RNF213: variants seen among roughly 807,000 people sequenced by gnomAD.
The protein encoded by RNF213 is ring finger protein 213.
A neutral mutation model predicts 514.4 loss-of-function variants in RNF213; 341 were observed. The observed-to-expected ratio is 0.66, with a 90% CI of 0.61 to 0.73. The LOEUF (loss-of-function observed/expected upper bound fraction) is 0.73. Among genes scored for constraint, RNF213 ranks in the 30% least tolerant of loss-of-function variants. The pLI, the probability that RNF213 is intolerant of heterozygous loss-of-function variation, is 0.00. For synonymous variants in RNF213, 2,655 were observed against 2,658.2 expected (o/e 1.00, Z 0.04); for missense variants, 5,767 against 6,615.6 (o/e 0.87, Z 4.45).
At chr17:80,276,286 G>C (rs1174891256) in intron 3 of RNF213, among the ~76,000 whole-genome samples, 1 of 151,890 alleles carries the variant, frequency 6.6e-6, no homozygotes, top group Non-Finnish European at 1.5e-5. Flanking sequence ...TTTTAGTAGA[G>C]ACGGGGTTTC....
intron 14 of RNF213, among the ~76,000 whole-genome samples, chr17:80,310,148 G>A (rs766633912): frequency 3.1e-4 from 47 of 152,246 alleles, no homozygotes; most frequent in Middle Eastern, 3.4e-3. Context: ...TCTGTGTGGT[G>A]CAGAGATCGG....
chr17:80,328,345 C>T lies in RNF213; in HGVS notation c.3385C>T (p.Pro1129Ser), dbSNP rs1442091420. The change falls in exon 20 of 68, where the codon CCC (proline) becomes TCC (serine). Residue 1129 changes from proline to serine, a missense_variant. By Grantham distance (74) the Pro-to-Ser change is moderately conservative (BLOSUM62 -1). Transcript: ENST00000582970. Reference protein sequence around the residue: ...IWQLREKSLSPQDEQCAVEEA... With the variant: ...IWQLREKSLSSQDEQCAVEEA... Reference sequence around the variant, plus strand: ...TTTTCCAGGGGAAAAAAGTCTTTCACCCCAGGATGAACAATGTGCTGTGGA... The same window carrying T: ...TTTTCCAGGGGAAAAAAGTCTTTCATCCCAGGATGAACAATGTGCTGTGGA... The T allele has an allele frequency of 6.5e-7, 1 of 1,536,486 alleles. No homozygotes were observed. The highest frequency in any genetic ancestry group is 1.4e-5 in the African/African-American group (1 of 72,980).
chr17:80,301,228 A>G (rs142078156), intron 11 of RNF213, among the ~76,000 whole-genome samples: 11 of 152,244 alleles, frequency 7.2e-5, no homozygotes, highest in African/African-American at 2.4e-4. Context: ...TCCTATGTCT[A>G]GAATGGTATT....
chr17:80,368,867 T>C (rs1363274896), intron 44 of RNF213, among the ~76,000 whole-genome samples: 1 of 152,214 alleles, frequency 6.6e-6, no homozygotes, highest in East Asian at 1.9e-4. Context: ...AGCCCGGCTC[T>C]GTGAGTGGTT....
At chr17:80,336,127 G>C in intron 22 of RNF213, 34 bp from the exon 23 acceptor site, 1 of 1,496,820 alleles carries the variant, frequency 6.7e-7, no homozygotes, top group South Asian at 1.2e-5. Flanking sequence ...TCGTGGAATA[G>C]TCCCACGCTG....
rs1244608660 is a variant in RNF213, at chr17:80,383,005, T to A, written c.14005T>A (p.Ser4669Thr). 6.2e-7 allele frequency: 1 copy of A among 1,613,902 alleles called. No homozygotes were observed. Among genetic ancestry groups the A allele is most frequent in the South Asian group, 1.1e-5 (1 of 91,076 alleles). The change falls in exon 58 of 68, where the codon TCA becomes ACA. Residue 4669 changes from serine to threonine, a missense_variant. Coordinates refer to ENST00000582970, the MANE Select transcript of RNF213 (RefSeq NM_001256071.3). ...GCTTTTAAATTTTGACACAGAATTG[T>A]CAACTAAAGAAATGAGGAACAACTG... ...RRLLNFDTEL[S>T]TKEMRNNWEK...
intron 6 of RNF213, among the ~76,000 whole-genome samples, 174 bp from the exon 7 acceptor site, chr17:80,290,396 C>T (rs1274125666): frequency 1.4e-5 from 2 of 142,950 alleles, no homozygotes; most frequent in Non-Finnish European, 3.0e-5. Flanking sequence ...TGTGCGTGTA[C>T]GTGTGCTTGT....
chr17:80,292,707 TGACA>T (rs1160678157), intron 8 of RNF213, among the ~76,000 whole-genome samples: 1 of 151,954 alleles, frequency 6.6e-6, no homozygotes, highest in Admixed American at 6.6e-5. Context: ...TCTGCAAACT[TGACA>T]GACAGAGATC....
In RNF213 at chr17:80,343,307, C is replaced by T; in HGVS notation, c.6165C>T (p.His2055=). 6.2e-7 allele frequency: 1 copy of T among 1,612,394 alleles called. No homozygotes were observed. Among genetic ancestry groups the T allele is most frequent in the Non-Finnish European group, 8.5e-7 (1 of 1,179,668 alleles). The change falls in exon 27 of 68, where the codon CAC becomes CAT. Residue 2055 remains histidine (H), a synonymous_variant. Transcript: ENST00000582970. The surrounding 1 kb of genome is among the most constrained non-coding windows in gnomAD (Gnocchi z 4.3). The part of the protein sequence containing the change: ...AQYQKVPVLF[H]LDVTSSVQTG... Reference sequence around the variant, plus strand: ...ATCAGAAGGTCCCCGTGCTCTTTCACCTGGACGTGACCTCCTCAGTAAGTG... The same window carrying T: ...ATCAGAAGGTCCCCGTGCTCTTTCATCTGGACGTGACCTCCTCAGTAAGTG...
At chr17:80,320,524 GT>G (rs1357451431) in intron 17 of RNF213, 2 of 152,076 alleles carry the variant, frequency 1.3e-5, no homozygotes, top group African/African-American at 4.8e-5. Context: ...TCTTTTAATT[GT>G]TTAAAGAACA....
chr17:80,301,263 G>T (rs1598958881), intron 11 of RNF213, among the ~76,000 whole-genome samples: 1 of 152,230 alleles, frequency 6.6e-6, no homozygotes, highest in East Asian at 1.9e-4. Context: ...AAAGATTGGA[G>T]AAAAATTATG....
At chr17:80,292,191 TCTC>T (rs1598937229) in intron 8 of RNF213, among the ~76,000 whole-genome samples, 3 of 152,174 alleles carry the variant, frequency 2.0e-5, no homozygotes, top group East Asian at 1.9e-4. Flanking sequence ...GTCAAGCAGT[TCTC>T]CTGTCTCAGC....
rs1290609395 is a variant in RNF213, at chr17:80,386,559, G to A, written c.14720+129G>A. The A allele has an allele frequency of 2.1e-6, 3 of 1,396,272 alleles. No individual in the cohort carries two copies. In the African/African-American group the frequency reaches 4.3e-5, roughly 20 times the overall value. 86.5% of individuals were successfully genotyped at this position (1,396,272 alleles called of 1,614,324 possible). On this transcript the variant is annotated intron_variant, in intron 62 of 67. Transcript: ENST00000582970. Reference sequence around the variant, plus strand: ...CACTCCTTCAGCCGCCCCCACCAGTGACCCGCCCCATACTTGGGTAGGGTT... The same window carrying A: ...CACTCCTTCAGCCGCCCCCACCAGTAACCCGCCCCATACTTGGGTAGGGTT...
chr17:80,343,041 C>T lies in RNF213; in HGVS notation c.5990-91C>T. 1 of 1,054,236 alleles carries T rather than the reference C, an allele frequency of 9.5e-7. No individual in the cohort carries two copies. 65.3% of individuals were successfully genotyped at this position (1,054,236 alleles called of 1,614,324 possible). On this transcript the variant is annotated intron_variant, in intron 26 of 67. Transcript: ENST00000582970. This position sits in a 1 kb window ranked among gnomAD's most constrained non-coding sequence, Gnocchi z 4.3. ...CAGGCTGGCTTTGAACTCCTGACCT[C>T]AAGTGATCCCCCCGCCTCGGCCTCC...
chr17:80,310,606 G>A (rs898858414), intron 14 of RNF213, among the ~76,000 whole-genome samples: 1 of 151,084 alleles, frequency 6.6e-6, no homozygotes, highest in African/African-American at 2.4e-5. Context: ...AGGCTGTAGT[G>A]CAATGGCGTG....
chr17:80,367,599 G>C, intron 42 of RNF213, 149 bp from the exon 43 acceptor site: 1 of 665,606 alleles, frequency 1.5e-6, no homozygotes, highest in Admixed American at 2.2e-5. Context: ...GAGTTCAAGC[G>C]TTAAACACAG....
At position 80,310,969 on chromosome 17, in the gene RNF213, C is replaced by A. The variant is rs529960965; in HGVS notation, c.2655+1798C>A. Among the ~76,000 whole-genome samples, 7 of 152,330 alleles carry A rather than the reference C, an allele frequency of 4.6e-5. No homozygotes were observed. In the East Asian group the frequency reaches 1.3e-3, roughly 29 times the overall value. On this transcript the variant is annotated intron_variant, in intron 14 of 67. Transcript: ENST00000582970. Reference sequence around the variant, plus strand: ...TTCTTGTGTTAAAGTACCACAGACACAGTTTAAGAATAAATGTCATTGGTG... The same window carrying A: ...TTCTTGTGTTAAAGTACCACAGACAAAGTTTAAGAATAAATGTCATTGGTG...
At chr17:80,322,902 T>C (rs975529402) in intron 17 of RNF213, among the ~76,000 whole-genome samples, 2 of 152,262 alleles carry the variant, frequency 1.3e-5, no homozygotes, top group Non-Finnish European at 2.9e-5. Context: ...TTAGCATATC[T>C]GTTTTTTCTT....
rs780832598 is a variant in RNF213, at chr17:80,377,820, G to A, written c.13545+24G>A. 1 of 1,614,006 alleles carries A rather than the reference G, an allele frequency of 6.2e-7. No individual in the cohort carries two copies. Among genetic ancestry groups the A allele is most frequent in the Non-Finnish European group, 8.5e-7 (1 of 1,179,874 alleles). On this transcript the variant is annotated intron_variant, in intron 54 of 67. Coordinates refer to ENST00000582970, the MANE Select transcript of RNF213 (RefSeq NM_001256071.3). The surrounding 1 kb of genome is among the most constrained non-coding windows in gnomAD (Gnocchi z 4.1). The stretch of plus-strand genomic sequence containing the variant: ...AGGTGAGTCTTGGTATTTAAGATAG[G>A]GTTTGAGGGGTGGCGTGCACTCCTG...
Sources: allele counts gnomAD v4.1 joint callset (sites outside exome capture counted in the v4.1 genomes callset), GRCh38; gene constraint gnomAD v4.1.1; non-coding constraint Gnocchi (gnomAD v3.1); transcripts MANE v1.5; gene names NCBI Gene and HGNC (gene_info 2026-07-23, HGNC 2026-07-21).